The following ALG8 variants were observed in gnomAD, a reference collection of about 807,000 sequenced individuals.
ALG8 encodes the protein ALG8 alpha-1,3-glucosyltransferase, also known as dolichyl pyrophosphate Glc1Man9GlcNAc2 alpha-1,3-glucosyltransferase.
ALG8 carries 48 observed loss-of-function variants against 70.2 expected under a neutral mutation model. The observed-to-expected ratio is 0.68, with a 90% CI of 0.54 to 0.87. The LOEUF is 0.87. Among genes scored for constraint, ALG8 ranks in the 40% least tolerant of loss-of-function variants. The probability of loss-of-function intolerance (pLI) is 0.00; values close to 1 mark genes in which losing one functional copy is unlikely to be tolerated. For missense variants in ALG8, 572 were observed against 608.7 expected (o/e 0.94, Z 0.64); for synonymous variants, 234 against 229.0 (o/e 1.02, Z -0.20).
At chr11:78,113,840 A>T in intron 7 of ALG8, 46 bp downstream of exon 7, 2 of 1,426,064 alleles carry the variant, frequency 1.4e-6, no homozygotes, top group Non-Finnish European at 1.9e-6. Flanking sequence ...TCTAAACACC[A>T]ACAAAGAACA....
chr11:78,109,405 A>C lies in ALG8; in HGVS notation c.1038+37T>G, dbSNP rs186150624. The C allele has an allele frequency of 1.7e-4, 278 of 1,613,854 alleles. 1 individual carries two copies. In the African/African-American group the frequency reaches 3.3e-3, roughly 19 times the overall value. ...CAGCCAGACAAAAGAAAAGCAGAGA[A>C]AACTCAAGAAATGAGCACCATCTGT... On this transcript the variant is annotated intron_variant, in intron 9 of 12. Transcript: ENST00000299626.
At chr11:78,114,519 G>A (rs752727040) in intron 5 of ALG8, 127 bp from the exon 6 acceptor site, 3 of 1,110,738 alleles carry the variant, frequency 2.7e-6, no homozygotes, top group South Asian at 1.3e-5. Flanking sequence ...AAATTCAAAT[G>A]CATCAATATT....
chr11:78,119,312 A>C (rs943274986), intron 4 of ALG8, 63 bp from the exon 5 acceptor site: 2 of 1,208,154 alleles, frequency 1.7e-6, no homozygotes, highest in Admixed American at 3.4e-5. Context: ...ATACCAGCTG[A>C]TGGAGTATAG....
chr11:78,138,854 C>G lies in ALG8; in HGVS notation c.95+640G>C, dbSNP rs1329033331. On this transcript the variant is annotated intron_variant, in intron 1 of 12. Transcript: ENST00000299626. ...CCAGTGCACCCCATGCTGTGCCACTCCTCTCCCTCAATGCTCTGCAGCCAC... is the reference window on the plus strand; with the variant it reads ...CCAGTGCACCCCATGCTGTGCCACTGCTCTCCCTCAATGCTCTGCAGCCAC... The G allele has an allele frequency of 5.3e-5, 24 of 454,182 alleles. No homozygotes were observed. In the East Asian group the frequency reaches 1.6e-3, roughly 30 times the overall value. The allele number at this position is 454,182 out of a possible 1,614,324, so 28.1% of individuals were successfully genotyped here.
intron 8 of ALG8, 54 bp downstream of exon 8, chr11:78,112,596 T>C: frequency 1.2e-6 from 2 of 1,607,868 alleles, no homozygotes; most frequent in East Asian, 4.5e-5. Flanking sequence ...TTTCTCCATG[T>C]GCCTAAGTCC....
intron 3 of ALG8, among the ~76,000 whole-genome samples, chr11:78,123,021 G>C (rs962885276): frequency 3.4e-4 from 41 of 118,918 alleles, no homozygotes; most frequent in African/African-American, 1.0e-3. Context: ...AGTTAGGAAA[G>C]AATGAGGTCG....
At chr11:78,123,877 T>A in intron 3 of ALG8, 144 bp downstream of exon 3, 1 of 940,098 alleles carries the variant, frequency 1.1e-6, no homozygotes, top group Non-Finnish European at 1.7e-6. Context: ...ACATGTAGTT[T>A]AAAGCACAAT....
intron 1 of ALG8, among the ~76,000 whole-genome samples, chr11:78,133,118 A>C (rs185565267): frequency 6.6e-5 from 10 of 152,258 alleles, no homozygotes; most frequent in African/African-American, 2.4e-4. Flanking sequence ...TACAGGCGTG[A>C]GCCACCACAC....
chr11:78,112,592 C>T lies in ALG8; in HGVS notation c.898+58G>A, dbSNP rs771945699. On this transcript the variant is annotated intron_variant, in intron 8 of 12. Coordinates refer to ENST00000299626, the MANE Select transcript of ALG8 (RefSeq NM_024079.5). ...AAACACAAAGGTTTTTCCATTTCTCCATGTGCCTAAGTCCTTTCAATATTC... is the reference window on the plus strand; with the variant it reads ...AAACACAAAGGTTTTTCCATTTCTCTATGTGCCTAAGTCCTTTCAATATTC... 1.1e-5 allele frequency: 17 copies of T among 1,605,972 alleles called. No homozygotes were observed. In the East Asian group the frequency reaches 3.4e-4, roughly 32 times the overall value.
At chr11:78,124,745 T>G (rs1207926464) in intron 2 of ALG8, among the ~76,000 whole-genome samples, 1 of 152,186 alleles carries the variant, frequency 6.6e-6, no homozygotes, top group African/African-American at 2.4e-5. Context: ...TAAAATGAGG[T>G]ATTATGAAGA....
At chr11:78,112,483 A>T in intron 8 of ALG8, 167 bp downstream of exon 8, 1 of 915,394 alleles carries the variant, frequency 1.1e-6, no homozygotes, top group Non-Finnish European at 1.7e-6. Flanking sequence ...ACTGCACTAA[A>T]GCCTCAGTCC....
At chr11:78,135,532 T>C (rs534995952) in intron 1 of ALG8, among the ~76,000 whole-genome samples, 37 of 151,594 alleles carry the variant, frequency 2.4e-4, no homozygotes, top group South Asian at 1.7e-3. Context: ...AGCAACACAG[T>C]GACCCCATCT....
chr11:78,114,930 G>A (rs1441608776), intron 5 of ALG8: 3 of 185,082 alleles, frequency 1.6e-5, no homozygotes, highest in African/African-American at 7.1e-5. Context: ...GAGCCATGAT[G>A]ACGACACTGC....
chr11:78,136,460 G>A (rs752554196), intron 1 of ALG8, among the ~76,000 whole-genome samples: 2 of 152,024 alleles, frequency 1.3e-5, no homozygotes, highest in Admixed American at 6.6e-5. Context: ...CTGCTCAAGC[G>A]CAGGAGATTA....
chr11:78,121,661 A>C (rs566271074), intron 3 of ALG8, among the ~76,000 whole-genome samples: 3 of 152,282 alleles, frequency 2.0e-5, no homozygotes. Flanking sequence ...TCATTTAACA[A>C]AATTAAAAAT....
chr11:78,131,176 AT>A (rs2136941196), intron 1 of ALG8, among the ~76,000 whole-genome samples: 1 of 152,256 alleles, frequency 6.6e-6, no homozygotes, highest in Non-Finnish European at 1.5e-5. Context: ...GAGTGCTGGG[AT>A]TACAGGCGTG....
intron 11 of ALG8, 87 bp from the exon 12 acceptor site, chr11:78,104,139 G>A (rs1281686987): frequency 2.1e-5 from 19 of 920,144 alleles, no homozygotes; most frequent in Middle Eastern, 2.1e-4. Context: ...CACTGACACA[G>A]CTATATAGTG....
At position 78,104,389 on chromosome 11, in the gene ALG8, A is replaced by C; in HGVS notation, c.1243T>G (p.Tyr415Asp). ...IFLILTTTGH[Y>D]SLFPLLFTAP... is the part of the protein sequence containing the mutation. ...GTGAAGAGCAGAGGAAAGAGGGAAT[A>C]ATGTCCTGTTGTGGTCAGAATCAGA... is the stretch of plus-strand genomic sequence containing the variant. The change falls in exon 11 of 13, where the codon TAT (tyrosine) becomes GAT (aspartate). Residue 415 changes from tyrosine (Y) to aspartate (D), a missense_variant. Coordinates refer to ENST00000299626, the MANE Select transcript of ALG8 (RefSeq NM_024079.5). The C allele has an allele frequency of 6.2e-7, 1 of 1,601,292 alleles. No individual in the cohort carries two copies. Among genetic ancestry groups the C allele is most frequent in the Non-Finnish European group, 8.5e-7 (1 of 1,173,820 alleles).
chr11:78,127,534 G>A (rs1861132283), intron 1 of ALG8, 98 bp from the exon 2 acceptor site: 5 of 1,015,968 alleles, frequency 4.9e-6, no homozygotes, highest in Non-Finnish European at 7.5e-6. Context: ...CATTCCCTAA[G>A]CTGTCACAGC....
Sources: allele counts gnomAD v4.1 joint callset (sites outside exome capture counted in the v4.1 genomes callset), GRCh38; gene constraint gnomAD v4.1.1; transcripts MANE v1.5; gene names NCBI Gene and HGNC (gene_info 2026-07-23, HGNC 2026-07-21).